MUC20: variants seen among roughly 807,000 people sequenced by gnomAD.
MUC20 encodes mucin 20, cell surface associated.
Under a neutral mutation model 23.8 loss-of-function variants are expected in MUC20, and 14 were observed. The ratio of observed to expected loss-of-function variants is 0.59; its 90% confidence interval spans 0.39 to 0.92. The LOEUF (loss-of-function observed/expected upper bound fraction) is 0.92. Among genes scored for constraint, MUC20 ranks in the 40% least tolerant of loss-of-function variants. MUC20 has a pLI of 0.00. For synonymous variants in MUC20, 166 were observed against 279.3 expected, an observed-to-expected ratio of 0.59 and a Z score of 4.04; for missense variants, 375 against 668.8, an observed-to-expected ratio of 0.56 and a Z score of 4.85.
chr3:195,726,702 T>G, intron 2 of MUC20, 130 bp downstream of exon 2: 14 of 1,134,640 alleles, frequency 1.2e-5, no homozygotes, highest in Non-Finnish European at 1.8e-5. Flanking sequence ...TGTTGCCTCT[T>G]CGTGATCTTC....
At chr3:195,731,814 C>A in intron 3 of MUC20, among the ~76,000 whole-genome samples, 1 of 152,254 alleles carries the variant, frequency 6.6e-6, no homozygotes, top group African/African-American at 2.4e-5. Context: ...CCTTGGAGTT[C>A]TCTTAGCAGC....
intron 2 of MUC20, among the ~76,000 whole-genome samples, chr3:195,728,756 C>T (rs1713029996): frequency 6.6e-6 from 1 of 152,104 alleles, no homozygotes. Context: ...GGGGAGAAAG[C>T]TTGGACAATA....
intron 2 of MUC20, among the ~76,000 whole-genome samples, chr3:195,727,359 G>T (rs1054986032): frequency 2.3e-4 from 35 of 152,118 alleles, no homozygotes; most frequent in Non-Finnish European, 4.0e-4. Flanking sequence ...GAGACGGAGT[G>T]AAACTCCGTC....
chr3:195,730,099 C>CAAAAAAAAAAAAAAAAAAAAA (rs4036961), intron 3 of MUC20: 1 of 92,990 alleles, frequency 1.1e-5, no homozygotes, highest in African/African-American at 4.6e-5. Context: ...GCAGTTTATG[C>CAAAAAAAAAAAAAAAAAAAAA]AAAAAAAAAA....
In MUC20 at chr3:195,726,451, C is replaced by T. The variant is rs1351987326; in HGVS notation, c.1848C>T (p.Asn616=). ...PLPSVPPTTT[N]SSRGTNSTLA... Reference sequence around the variant, plus strand: ...CTTCTGTCCCTCCGACTACAACCAACAGCAGCCGAGGGACGAACAGCACCT... The same window carrying T: ...CTTCTGTCCCTCCGACTACAACCAATAGCAGCCGAGGGACGAACAGCACCT... Residue 616 remains asparagine, a synonymous_variant, in exon 2 of 4, where the codon AAC becomes AAT. Transcript: ENST00000447234. The T allele has an allele frequency of 1.2e-6, 2 of 1,614,062 alleles. No homozygotes were observed. The highest frequency in any genetic ancestry group is 1.7e-5 in the Admixed American group (1 of 60,038).
chr3:195,726,372 C>G lies in MUC20; in HGVS notation c.1769C>G (p.Pro590Arg). ...ALKNFTPSET[P>R]TMDIATKGPF... Reference sequence around the variant, plus strand: ...AAGAACTTCACCCCTTCAGAGACACCGACCATGGACATCGCAACCAAGGGG... The same window carrying G: ...AAGAACTTCACCCCTTCAGAGACACGGACCATGGACATCGCAACCAAGGGG... Residue 590 changes from proline to arginine, a missense_variant, in exon 2 of 4, where the codon CCG becomes CGG. Around this residue, in one of 4 missense-constraint regions of MUC20, gnomAD observed 343 missense variants for 340.2 expected, o/e 1.01. Coordinates refer to ENST00000447234, the MANE Select transcript of MUC20 (RefSeq NM_001282506.2). The G allele has an allele frequency of 6.3e-7, 1 of 1,584,490 alleles. No individual in the cohort carries two copies. The highest frequency in any genetic ancestry group is 8.6e-7 in the Non-Finnish European group (1 of 1,159,342).
rs1713006458 is a variant in MUC20 at position 195,728,646 on chromosome 3, T to G, written c.1970-1002T>G. Among the ~76,000 whole-genome samples the G allele has an allele frequency of 3.9e-5, 6 of 152,118 alleles. No homozygotes were observed. The South Asian group carries it at 1.2e-3, about 32-fold the overall frequency. Reference sequence around the variant, plus strand: ...CTATCTCAACTGCAAGAGGAGATCCTCTTTTACTAATCCACCTCAGCACAG... The same window carrying G: ...CTATCTCAACTGCAAGAGGAGATCCGCTTTTACTAATCCACCTCAGCACAG... On this transcript the variant is annotated intron_variant, in intron 2 of 3. Coordinates refer to ENST00000447234, the MANE Select transcript of MUC20 (RefSeq NM_001282506.2).
chr3:195,728,449 C>T (rs558021008), intron 2 of MUC20, among the ~76,000 whole-genome samples: 17 of 152,280 alleles, frequency 1.1e-4, no homozygotes, highest in South Asian at 2.1e-4. Context: ...TGTTTCTCTC[C>T]ACCCAAACAT....
intron 3 of MUC20, among the ~76,000 whole-genome samples, chr3:195,731,435 G>A (rs1204665459): frequency 6.6e-6 from 1 of 152,274 alleles, no homozygotes; most frequent in Non-Finnish European, 1.5e-5. Context: ...ACCTCTGTCT[G>A]TCGTAAGTAA....
chr3:195,733,076 C>T (rs746996023), intron 3 of MUC20, 74 bp from the exon 4 acceptor site: 2 of 1,498,616 alleles, frequency 1.3e-6, no homozygotes, highest in Non-Finnish European at 1.8e-6. Flanking sequence ...CCCAGTGTCC[C>T]TTCCTGTCCT....
At position 195,726,156 on chromosome 3, in the gene MUC20, T is replaced by G; in HGVS notation, c.1553T>G (p.Leu518Arg). ...REVTAPGATT[L>R]SGALVTVSRN... The stretch of plus-strand genomic sequence containing the variant: ...GTGACAGCACCCGGGGCCACGACCC[T>G]CAGTGGAGCTCTGGTCACAGTTAGC... The change falls in exon 2 of 4, where the codon CTC becomes CGC. Residue 518 changes from leucine to arginine, a missense_variant. Leu to Arg is a moderately radical substitution (Grantham distance 102). Around this residue, in one of 4 missense-constraint regions of MUC20, gnomAD observed 343 missense variants for 340.2 expected, o/e 1.01. Coordinates refer to ENST00000447234, the MANE Select transcript of MUC20 (RefSeq NM_001282506.2). The G allele has an allele frequency of 6.2e-7, 1 of 1,608,984 alleles. No individual in the cohort carries two copies. Among genetic ancestry groups the G allele is most frequent in the Non-Finnish European group, 8.5e-7 (1 of 1,176,160 alleles).
intron 2 of MUC20, 88 bp downstream of exon 2, chr3:195,726,660 G>C: frequency 6.9e-7 from 1 of 1,450,938 alleles, no homozygotes; most frequent in Non-Finnish European, 9.4e-7. Flanking sequence ...GAGGAGGGAA[G>C]GATCTGGAGC....
intron 2 of MUC20, 200 bp from the exon 3 acceptor site, chr3:195,729,448 C>G (rs1713124764): frequency 1.7e-6 from 1 of 572,560 alleles, no homozygotes; most frequent in African/African-American, 1.9e-5. Context: ...TCCTGAGTAG[C>G]TGGGATTACA....
chr3:195,728,621 C>G lies in MUC20; in HGVS notation c.1970-1027C>G, dbSNP rs1276521635. Among the ~76,000 whole-genome samples the G allele has an allele frequency of 7.9e-5, 12 of 152,142 alleles. No homozygotes were observed. In the East Asian group the frequency reaches 2.1e-3, roughly 27 times the overall value. On this transcript the variant is annotated intron_variant, in intron 2 of 3. Transcript: ENST00000447234. ...GCAGGCAGGAGACAGTGGCCTTCCT[C>G]TATCTCAACTGCAAGAGGAGATCCT...
In MUC20 at chr3:195,730,582, C is replaced by T. The variant is rs192965638; in HGVS notation, c.2061+843C>T. On this transcript the variant is annotated intron_variant, in intron 3 of 3. Transcript: ENST00000447234. ...AGCCAGAATAGTCTCAATCTCCTGA[C>T]CTCGTGATCCACCCGTCTTGGCCTC... is the stretch of plus-strand genomic sequence containing the variant. Among the ~76,000 whole-genome samples, 443 of 152,196 alleles carry T rather than the reference C, an allele frequency of 2.9e-3. 2 individuals are homozygous for T. Among genetic ancestry groups the T allele is most frequent in the African/African-American group, 9.7e-3 (404 of 41,532 alleles).
In MUC20 at chr3:195,729,635, T is replaced by C; in HGVS notation, c.1970-13T>C. 6.4e-7 allele frequency: 1 copy of C among 1,566,446 alleles called. No individual in the cohort carries two copies. The highest frequency in any genetic ancestry group is 8.7e-7 in the Non-Finnish European group (1 of 1,153,958). On this transcript the variant is annotated splice_polypyrimidine_tract_variant and intron_variant, in intron 2 of 3. Transcript: ENST00000447234. ...CCAGCCCTGATTTTCATCTTACTGT[T>C]CTCCATTTGCAGGTGAAAATGGAGG...
chr3:195,729,352 T>G, intron 2 of MUC20: 2 of 312,208 alleles, frequency 6.4e-6, no homozygotes, highest in Non-Finnish European at 1.2e-5. Context: ...GTTTCGCTCT[T>G]GTTGCCCAGG....
intron 3 of MUC20, among the ~76,000 whole-genome samples, chr3:195,732,391 G>A (rs569679212): frequency 3.4e-5 from 5 of 149,202 alleles, no homozygotes; most frequent in East Asian, 2.1e-4. Context: ...ACAGATTCTC[G>A]CTCTGTCGTC....
Position 195,729,744 on chromosome 3 carries a change from G to A in MUC20, c.2061+5G>A, listed in dbSNP as rs780656792. ...GCAGAAAGGCTGATGCAGCAGGTGA[G>A]TGGGCACTTTCCGGGCCAGGGGAGT... is the stretch of plus-strand genomic sequence containing the variant. On this transcript the variant is annotated splice_donor_5th_base_variant and intron_variant, in intron 3 of 3. Coordinates refer to ENST00000447234, the MANE Select transcript of MUC20 (RefSeq NM_001282506.2). 1.9e-6 allele frequency: 3 copies of A among 1,590,834 alleles called. No individual in the cohort carries two copies. The highest frequency in any genetic ancestry group is 1.7e-5 in the Admixed American group (1 of 57,238).
Sources: allele counts gnomAD v4.1 joint callset (sites outside exome capture counted in the v4.1 genomes callset), GRCh38; gene constraint gnomAD v4.1.1; regional missense constraint gnomAD v4.1.1; transcripts MANE v1.5; gene names NCBI Gene and HGNC (gene_info 2026-07-23, HGNC 2026-07-21).